BOC: variants seen among roughly 807,000 people sequenced by gnomAD.
The protein encoded by BOC is BOC cell adhesion associated, oncogene regulated.
In BOC, 76 loss-of-function variants were observed where a neutral mutation model predicts 112.0. The observed-to-expected ratio is 0.68, with a 90% CI of 0.56 to 0.82. The LOEUF is 0.82. Ranked by LOEUF, BOC falls within the 40% of genes least tolerant of loss-of-function variation. BOC has a pLI of 0.00. For missense variants in BOC, 1,309 were observed against 1,511.7 expected (o/e 0.87, Z 2.22); for synonymous variants, 580 against 599.8 (o/e 0.97, Z 0.48).
In BOC at chr3:113,278,220, G is replaced by A. The variant is rs965039257; in HGVS notation, c.1668G>A (p.Ala556=). Residue 556 remains alanine (A), a synonymous_variant, in exon 10 of 20, where the codon GCG becomes GCA. Coordinates refer to ENST00000682979, the MANE Select transcript of BOC (RefSeq NM_001378074.1). This position sits in a 1 kb window ranked among gnomAD's most constrained non-coding sequence, Gnocchi z 4.2. The stretch of plus-strand genomic sequence containing the variant: ...TGGAGATGGCAGCTTACAACTGTGC[G>A]GGAGAGGGCCAGACAGCCATGGTCA... ...YEVEMAAYNC[A]GEGQTAMVTF... is the part of the protein sequence containing the mutation. 1.2e-5 allele frequency: 19 copies of A among 1,614,164 alleles called. No homozygotes were observed. The highest frequency in any genetic ancestry group is 4.5e-5 in the East Asian group (2 of 44,872).
At chr3:113,255,319 T>A (rs1390836777) in intron 4 of BOC, among the ~76,000 whole-genome samples, 1 of 152,156 alleles carries the variant, frequency 6.6e-6, no homozygotes, top group Non-Finnish European at 1.5e-5. Flanking sequence ...CAGGGAGCAC[T>A]CCACTCCTTC....
intron 2 of BOC, among the ~76,000 whole-genome samples, chr3:113,222,183 C>G (rs1408300403): frequency 6.6e-6 from 1 of 152,198 alleles, no homozygotes; most frequent in African/African-American, 2.4e-5. Flanking sequence ...CTGCCTGCTT[C>G]CCCTCTAGAC....
chr3:113,279,491 C>A, intron 12 of BOC, 36 bp downstream of exon 12: 2 of 1,582,040 alleles, frequency 1.3e-6, no homozygotes, highest in South Asian at 1.1e-5. Flanking sequence ...TTGGCCTGAT[C>A]CCCCAGCTGC....
At chr3:113,227,894 T>C (rs2107674313) in intron 2 of BOC, among the ~76,000 whole-genome samples, 1 of 152,204 alleles carries the variant, frequency 6.6e-6, no homozygotes, top group South Asian at 2.1e-4. Flanking sequence ...TAGTATGATT[T>C]TGTTTTCATT....
rs150960545 is a variant in BOC, at chr3:113,235,168, T to G, written c.-81-14554T>G. On this transcript the variant is annotated intron_variant, in intron 2 of 19. Coordinates refer to ENST00000682979, the MANE Select transcript of BOC (RefSeq NM_001378074.1). ...TACTGTCCACCCAGGCTTTAAACAC[T>G]TCCTTTTACATGGGTTATTTTGTCA... Among the ~76,000 whole-genome samples, 627 of 152,352 alleles carry G rather than the reference T, an allele frequency of 4.1e-3. 5 individuals carry two copies. The highest frequency in any genetic ancestry group is 0.014 in the African/African-American group (597 of 41,580).
intron 2 of BOC, among the ~76,000 whole-genome samples, chr3:113,239,649 C>T (rs1212763427): frequency 6.6e-6 from 1 of 152,210 alleles, no homozygotes; most frequent in Non-Finnish European, 1.5e-5. Context: ...GCGGGCTTGT[C>T]ACCAGGTTCA....
intron 2 of BOC, among the ~76,000 whole-genome samples, chr3:113,220,523 C>T (rs1271274360): frequency 1.3e-5 from 2 of 152,154 alleles, no homozygotes; most frequent in Non-Finnish European, 2.9e-5. Context: ...TTCCTCTAAA[C>T]GTGAGAAGTG....
intron 7 of BOC, 96 bp from the exon 8 acceptor site, chr3:113,272,973 G>A (rs956830856): frequency 3.8e-5 from 56 of 1,456,022 alleles, no homozygotes; most frequent in Non-Finnish European, 4.9e-5. Context: ...ACAGCCAAAG[G>A]GCAGGGGAGC....
In BOC at chr3:113,284,825, A is replaced by G. The variant is rs1240921007; in HGVS notation, c.2933A>G (p.Asn978Ser). Residue 978 changes from asparagine (N) to serine (S), a missense_variant, in exon 18 of 20, where the codon AAT becomes AGT. Physicochemically the swap from Asn to Ser is conservative, Grantham distance 46 (BLOSUM62 1). Transcript: ENST00000682979. ...CTGCTGAGGCAGACCCATCTTGGCA[A>G]TGGATATGACCCCCAAAGTCACCAG... ...SSLLRQTHLG[N>S]GYDPQSHQIT... 1 of 1,614,062 alleles carries G rather than the reference A, an allele frequency of 6.2e-7. No homozygotes were observed. The highest frequency in any genetic ancestry group is 2.2e-5 in the East Asian group (1 of 44,884).
intron 15 of BOC, 108 bp from the exon 16 acceptor site, chr3:113,283,303 C>T (rs808951): frequency 0.21 from 232,030 of 1,125,412 alleles, 27,182 homozygotes; most frequent in African/African-American, 0.48. Flanking sequence ...TCTAGTGAGT[C>T]TGACCCCATT....
chr3:113,227,610 A>T (rs1941877226), intron 2 of BOC, among the ~76,000 whole-genome samples: 1 of 152,218 alleles, frequency 6.6e-6, no homozygotes, highest in Admixed American at 6.5e-5. Context: ...AACCTGCCTG[A>T]CAATGCAGCT....
chr3:113,251,438 C>G (rs1945630191), intron 4 of BOC: 2 of 154,410 alleles, frequency 1.3e-5, no homozygotes, highest in African/African-American at 4.8e-5. Context: ...AGAAAAGAAA[C>G]AAGGAAGAGA....
chr3:113,249,974 A>C, intron 3 of BOC, 75 bp downstream of exon 3: 2 of 1,310,248 alleles, frequency 1.5e-6, no homozygotes, highest in East Asian at 4.7e-5. Context: ...AACTCTTTAA[A>C]AAGGCCTTCT....
At chr3:113,235,030 G>A (rs1053207270) in intron 2 of BOC, among the ~76,000 whole-genome samples, 4 of 152,180 alleles carry the variant, frequency 2.6e-5, no homozygotes, top group African/African-American at 7.2e-5. Context: ...CACACTGGTC[G>A]CTAGTCAAAT....
At chr3:113,221,476 C>T (rs1559801084) in intron 2 of BOC, among the ~76,000 whole-genome samples, 1 of 152,226 alleles carries the variant, frequency 6.6e-6, no homozygotes, top group Non-Finnish European at 1.5e-5. Flanking sequence ...GCCTTCCCCT[C>T]TGCTTCTTCC....
At chr3:113,249,971 T>A in intron 3 of BOC, 72 bp downstream of exon 3, 1 of 1,316,130 alleles carries the variant, frequency 7.6e-7, no homozygotes, top group Non-Finnish European at 1.1e-6. Flanking sequence ...AATAACTCTT[T>A]AAAAAGGCCT....
At chr3:113,282,346 T>C (rs1949274392) in intron 15 of BOC, among the ~76,000 whole-genome samples, 1 of 152,102 alleles carries the variant, frequency 6.6e-6, no homozygotes, top group Admixed American at 6.5e-5. Flanking sequence ...GTCTCTTTTC[T>C]AAGGAGGTGT....
chr3:113,260,418 A>G (rs1372571595), intron 4 of BOC, among the ~76,000 whole-genome samples: 1 of 152,222 alleles, frequency 6.6e-6, no homozygotes, highest in African/African-American at 2.4e-5. Context: ...ATAAAACAAC[A>G]TTGGAAAGAA....
rs368177037 is a variant in BOC at position 113,274,633 on chromosome 3, A to G, written c.1493A>G (p.Glu498Gly). ...SYELVWRPRH[E>G]GSGRAPILYY... ...GAACTGGTGTGGCGGCCTCGGCATG[A>G]GGGCAGTGGCCGGGCGCCAATCCTC... Residue 498 changes from glutamate to glycine, a missense_variant, in exon 9 of 20, where the codon GAG becomes GGG. By Grantham distance (98) the Glu-to-Gly change is moderately conservative (BLOSUM62 -2). Coordinates refer to ENST00000682979, the MANE Select transcript of BOC (RefSeq NM_001378074.1). The surrounding 1 kb of genome is among the most constrained non-coding windows in gnomAD (Gnocchi z 4.8). 3.4e-5 allele frequency: 54 copies of G among 1,609,324 alleles called. No individual in the cohort carries two copies. The highest frequency in any genetic ancestry group is 3.9e-5 in the Non-Finnish European group (46 of 1,176,832).
Sources: allele counts gnomAD v4.1 joint callset (sites outside exome capture counted in the v4.1 genomes callset), GRCh38; gene constraint gnomAD v4.1.1; non-coding constraint Gnocchi (gnomAD v3.1); transcripts MANE v1.5; gene names NCBI Gene and HGNC (gene_info 2026-07-23, HGNC 2026-07-21).